Variants in SLIT3 observed in about 807,000 individuals in gnomAD.
The protein encoded by SLIT3 is slit homolog 3 protein.
Under a neutral mutation model 184.0 loss-of-function variants are expected in SLIT3, and 68 were observed. The observed-to-expected ratio is 0.37, with a 90% CI of 0.30 to 0.45. SLIT3 has a LOEUF of 0.45. Ranked by LOEUF, SLIT3 falls within the 20% of genes least tolerant of loss-of-function variation. The probability of loss-of-function intolerance (pLI) is 1.00; values close to 1 mark genes in which losing one functional copy is unlikely to be tolerated. For synonymous variants in SLIT3, 831 were observed against 828.6 expected (o/e 1.00, Z -0.05); for missense variants, 1,707 against 2,026.0 (o/e 0.84, Z 3.02).
chr5:169,135,983 A>C (rs962901223), intron 4 of SLIT3, among the ~76,000 whole-genome samples: 2 of 152,348 alleles, frequency 1.3e-5, no homozygotes, highest in South Asian at 2.1e-4. Context: ...TATCACGGAC[A>C]CGGATACACA....
chr5:169,228,506 C>G (rs1231204172), intron 3 of SLIT3, among the ~76,000 whole-genome samples: 3 of 152,190 alleles, frequency 2.0e-5, no homozygotes, highest in African/African-American at 7.2e-5. Flanking sequence ...CAATGCAACA[C>G]CAGAGCCTTC....
intron 16 of SLIT3, among the ~76,000 whole-genome samples, chr5:168,757,855 A>C (rs1225363728): frequency 6.6e-6 from 1 of 152,096 alleles, no homozygotes; most frequent in African/African-American, 2.4e-5. Context: ...TTATTTCCTC[A>C]TATTTCTGAT....
intron 4 of SLIT3, among the ~76,000 whole-genome samples, chr5:169,192,580 C>T (rs1047618266): frequency 8.5e-5 from 13 of 152,110 alleles, no homozygotes; most frequent in Admixed American, 2.6e-4. Context: ...CACAAGTAGG[C>T]ATTAAATGCA....
intron 4 of SLIT3, among the ~76,000 whole-genome samples, chr5:169,078,311 C>T (rs1322434302): frequency 6.6e-6 from 1 of 152,162 alleles, no homozygotes. Context: ...GGTTTCCTCT[C>T]CACCTTCAGG....
chr5:169,276,259 T>C (rs1051289572), intron 1 of SLIT3, among the ~76,000 whole-genome samples: 1 of 152,162 alleles, frequency 6.6e-6, no homozygotes, highest in Non-Finnish European at 1.5e-5. Context: ...CTTTCTTTTT[T>C]CTCCCAGATG....
chr5:168,786,071 G>A (rs1012262562), intron 11 of SLIT3, 93 bp from the exon 12 acceptor site: 1 of 837,620 alleles, frequency 1.2e-6, no homozygotes, highest in African/African-American at 1.7e-5. Flanking sequence ...CCAGTTCTGG[G>A]TATGAGATCT....
chr5:169,167,268 CT>C (rs11287374), intron 4 of SLIT3, among the ~76,000 whole-genome samples: 2,227 of 90,628 alleles, frequency 0.025, 16 homozygotes, highest in African/African-American at 0.055. Flanking sequence ...GTTCTAAGCA[CT>C]TTTTTTTTTT....
intron 5 of SLIT3, among the ~76,000 whole-genome samples, chr5:168,851,255 G>A (rs142323912): frequency 5.3e-5 from 8 of 149,584 alleles, no homozygotes; most frequent in South Asian, 4.2e-4. Flanking sequence ...CCCGGGAGGC[G>A]GAGCTTGCTG....
intron 4 of SLIT3, among the ~76,000 whole-genome samples, chr5:169,032,716 A>G (rs1006492108): frequency 1.3e-5 from 2 of 151,686 alleles, no homozygotes; most frequent in African/African-American, 4.8e-5. Flanking sequence ...TTAACATATA[A>G]TCTAAACTAT....
chr5:169,225,810 T>C (rs113063702), intron 3 of SLIT3, among the ~76,000 whole-genome samples: 3 of 152,310 alleles, frequency 2.0e-5, no homozygotes, highest in African/African-American at 7.2e-5. Flanking sequence ...TACTGAGCCC[T>C]GAGCACCATG....
chr5:168,741,285 A>G (rs1253453329), intron 20 of SLIT3, among the ~76,000 whole-genome samples: 6 of 151,962 alleles, frequency 3.9e-5, no homozygotes, highest in African/African-American at 1.4e-4. Context: ...CCTGGCTAAC[A>G]TGGTGAAACC....
chr5:169,277,997 C>T (rs7723619), intron 1 of SLIT3, among the ~76,000 whole-genome samples: 1 of 152,080 alleles, frequency 6.6e-6, no homozygotes, highest in African/African-American at 2.4e-5. Context: ...ATTGGTAAGA[C>T]GTGGCTTGTT....
chr5:168,846,599 A>G (rs1341774332), intron 5 of SLIT3, among the ~76,000 whole-genome samples: 1 of 151,948 alleles, frequency 6.6e-6, no homozygotes, highest in African/African-American at 2.4e-5. Flanking sequence ...TGGCTTCGAG[A>G]AACTGTTCAA....
intron 1 of SLIT3, among the ~76,000 whole-genome samples, chr5:169,253,256 T>C (rs1366593309): frequency 1.3e-5 from 2 of 152,184 alleles, no homozygotes; most frequent in Non-Finnish European, 2.9e-5. Context: ...ACTGTGAATA[T>C]GACAATGCAA....
chr5:169,229,367 T>C lies in SLIT3; in HGVS notation c.341+15338A>G, dbSNP rs569570122. Among the ~76,000 whole-genome samples the C allele has an allele frequency of 2.6e-5, 4 of 152,334 alleles. No individual in the cohort carries two copies. In the South Asian group the frequency reaches 6.2e-4, roughly 24 times the overall value. On this transcript the variant is annotated intron_variant, in intron 3 of 35. Transcript: ENST00000519560. Reference sequence around the variant, plus strand: ...GGCTTACCCACTAAGGATAGTAATATAGAAATAAGAACGATAACTCGCATT... The same window carrying C: ...GGCTTACCCACTAAGGATAGTAATACAGAAATAAGAACGATAACTCGCATT...
intron 4 of SLIT3, among the ~76,000 whole-genome samples, chr5:169,103,375 G>A (rs1760087690): frequency 6.6e-6 from 1 of 152,166 alleles, no homozygotes; most frequent in Non-Finnish European, 1.5e-5. Context: ...TACAGCCTCT[G>A]AGAAAGGGTT....
At chr5:168,872,641 T>TTC (rs1287431946) in intron 5 of SLIT3, among the ~76,000 whole-genome samples, 8 of 65,544 alleles carry the variant, frequency 1.2e-4, no homozygotes, top group East Asian at 8.4e-4. Flanking sequence ...CTTCTTCTTC[T>TTC]TTTTTTTTTT....
intron 4 of SLIT3, among the ~76,000 whole-genome samples, chr5:169,181,354 A>G (rs750115393): frequency 1.3e-5 from 2 of 152,236 alleles, no homozygotes; most frequent in Admixed American, 1.3e-4. Context: ...AGTGGGAGAC[A>G]GATATAGGAA....
intron 4 of SLIT3, among the ~76,000 whole-genome samples, chr5:169,074,042 G>A (rs1758648351): frequency 2.0e-5 from 3 of 152,098 alleles, no homozygotes; most frequent in Admixed American, 2.0e-4. Context: ...CAAAGAAGTG[G>A]GGATTTGGAA....
Sources: gnomAD v4.1 joint callset for allele counts (sites outside exome capture counted in the v4.1 genomes callset) on GRCh38, gnomAD v4.1.1 for gene constraint, MANE v1.5 for transcripts, NCBI Gene and HGNC (gene_info 2026-07-23, HGNC 2026-07-21) for gene names.